Variants in KPLCE observed in about 807,000 individuals in gnomAD.
KPLCE encodes the protein protein KPLCE.
the KPLCE span, chr1:152,720,165 G>C: frequency 2.6e-6 from 4 of 1,551,756 alleles, no homozygotes; most frequent in Non-Finnish European, 2.6e-6. Flanking sequence ...TCTGGGGGCT[G>C]TGGCTGCAGC....
chr1:152,720,253 T>C, the KPLCE span: 1 of 1,548,114 alleles, frequency 6.5e-7, no homozygotes, highest in South Asian at 1.2e-5. Context: ...GCTGTGACCA[T>C]GAGGATGACT....
chr1:152,720,318 T>G, the KPLCE span: 1 of 1,430,506 alleles, frequency 7.0e-7, no homozygotes, highest in South Asian at 1.4e-5. Flanking sequence ...CCGCTACCCC[T>G]TCTGGAACAT....
At chr1:152,720,075 G>T in the KPLCE span, 2 of 1,551,730 alleles carry the variant, frequency 1.3e-6, no homozygotes, top group Non-Finnish European at 1.7e-6. Flanking sequence ...CCCCTGAGAC[G>T]CTGGATTCAG....
At chr1:152,720,428 T>C in the KPLCE span, 1 of 649,464 alleles carries the variant, frequency 1.5e-6, no homozygotes, top group Non-Finnish European at 2.7e-6. Context: ...CTGCCAGAGT[T>C]AGTACAGTCC....
At chr1:152,720,366 A>C in the KPLCE span, 3 of 1,053,154 alleles carry the variant, frequency 2.8e-6, no homozygotes, top group Non-Finnish European at 4.1e-6. Flanking sequence ...AGTGCCAGTG[A>C]TGTAGAACCT....
At chr1:152,719,953 T>C in the KPLCE span, 3 of 1,551,914 alleles carry the variant, frequency 1.9e-6, no homozygotes, top group African/African-American at 1.4e-5. Context: ...AGAGCTATTA[T>C]GTTCAAGCTC....
At chr1:152,719,534 C>A in the KPLCE span, 1 of 1,551,306 alleles carries the variant, frequency 6.4e-7, no homozygotes, top group Non-Finnish European at 8.7e-7. Flanking sequence ...GTGTGACCAG[C>A]AGAAGCAGCC....
the KPLCE span, chr1:152,719,692 G>A: frequency 6.4e-7 from 1 of 1,552,122 alleles, no homozygotes; most frequent in Non-Finnish European, 8.7e-7. Flanking sequence ...CTTATGTGAA[G>A]TACCAAGTTC....
the KPLCE span, chr1:152,720,265 C>A: frequency 6.5e-7 from 1 of 1,545,258 alleles, no homozygotes; most frequent in Non-Finnish European, 8.8e-7. Flanking sequence ...AGGATGACTG[C>A]TGCTGCTAAA....
the KPLCE span, chr1:152,719,744 C>A: frequency 6.4e-7 from 1 of 1,552,096 alleles, no homozygotes; most frequent in East Asian, 2.4e-5. Context: ...AGCTCCCTGC[C>A]AGAGGACCTA....
At chr1:152,720,336 C>T in the KPLCE span, 1 of 1,327,372 alleles carries the variant, frequency 7.5e-7, no homozygotes, top group African/African-American at 1.5e-5. Context: ...CATGCACCAG[C>T]TTCTGGCCCC....
chr1:152,720,437 C>T, the KPLCE span: 1 of 618,296 alleles, frequency 1.6e-6, no homozygotes, highest in Non-Finnish European at 2.9e-6. Context: ...TTAGTACAGT[C>T]CCCAAACTTT....
At chr1:152,719,958 A>C in the KPLCE span, 1 of 1,551,910 alleles carries the variant, frequency 6.4e-7, no homozygotes, top group South Asian at 1.2e-5. Flanking sequence ...TATTATGTTC[A>C]AGCTCCTGCA....
At chr1:152,719,719 C>G in the KPLCE span, 1 of 1,552,236 alleles carries the variant, frequency 6.4e-7, no homozygotes, top group Admixed American at 2.0e-5. Flanking sequence ...AGACTCAAAC[C>G]TACGTGAAGT....
chr1:152,720,314 C>T, the KPLCE span: 1 of 1,456,650 alleles, frequency 6.9e-7, no homozygotes, highest in Non-Finnish European at 9.3e-7. Context: ...TGCCCCGCTA[C>T]CCCTTCTGGA....
At chr1:152,720,442 A>G in the KPLCE span, 2 of 604,352 alleles carry the variant, frequency 3.3e-6, no homozygotes, top group African/African-American at 1.9e-5. Context: ...ACAGTCCCCA[A>G]ACTTTGGCAT....
the KPLCE span, chr1:152,720,165 G>A: frequency 8.4e-6 from 13 of 1,551,756 alleles, no homozygotes; most frequent in South Asian, 1.5e-4. Context: ...TCTGGGGGCT[G>A]TGGCTGCAGC....
the KPLCE span, chr1:152,719,940 G>T: frequency 6.4e-7 from 1 of 1,552,052 alleles, no homozygotes; most frequent in South Asian, 1.2e-5. Flanking sequence ...GCTTCTCCTT[G>T]CCAGAGCTAT....
the KPLCE span, chr1:152,720,362 A>T: frequency 1.8e-6 from 2 of 1,097,292 alleles, no homozygotes; most frequent in Non-Finnish European, 2.6e-6. Flanking sequence ...TGTTAGTGCC[A>T]GTGATGTAGA....
Sources: allele counts gnomAD v4.1 joint callset, GRCh38; gene constraint gnomAD v4.1.1; transcripts MANE v1.5; gene names NCBI Gene and HGNC (gene_info 2026-07-23, HGNC 2026-07-21).